SRP54: variants seen among roughly 807,000 people sequenced by gnomAD.
The protein encoded by SRP54 is signal recognition particle 54.
In SRP54, 10 loss-of-function variants were observed where a neutral mutation model predicts 64.8. That is an observed-to-expected ratio of 0.15 (90% confidence interval 0.10 to 0.26). The LOEUF (loss-of-function observed/expected upper bound fraction) is 0.26. Among genes scored for constraint, SRP54 ranks in the 10% least tolerant of loss-of-function variants. The probability of loss-of-function intolerance (pLI) is 1.00; values close to 1 mark genes in which losing one functional copy is unlikely to be tolerated. For missense variants in SRP54, 325 were observed against 613.7 expected (o/e 0.53, Z 4.97); for synonymous variants, 193 against 185.6 (o/e 1.04, Z -0.32).
intron 11 of SRP54, among the ~76,000 whole-genome samples, chr14:35,015,870 A>G (rs1394081078): frequency 6.6e-6 from 1 of 152,200 alleles, no homozygotes; most frequent in African/African-American, 2.4e-5. Context: ...CTTCAGACTC[A>G]TGTATCTGTG....
intron 1 of SRP54, among the ~76,000 whole-genome samples, chr14:34,992,284 T>C (rs907641034): frequency 1.8e-4 from 27 of 151,872 alleles, no homozygotes; most frequent in African/African-American, 6.5e-4. Context: ...TATTATATAA[T>C]AAAATATATT....
In SRP54 at chr14:35,001,389, G is replaced by A. The variant is rs189876602; in HGVS notation, c.255+369G>A. On this transcript the variant is annotated intron_variant, in intron 4 of 15. Coordinates refer to ENST00000216774, the MANE Select transcript of SRP54 (RefSeq NM_003136.4). The stretch of plus-strand genomic sequence containing the variant: ...TGGTCTTGAACTCCTGACCTCAGGC[G>A]ATCCGCCCGCTTCGGCCTCCCAAAG... 3.3e-5 allele frequency among the ~76,000 whole-genome samples: 5 copies of A among 152,176 alleles called. No homozygotes were observed. In the East Asian group the frequency reaches 5.8e-4, roughly 18 times the overall value.
intron 11 of SRP54, among the ~76,000 whole-genome samples, chr14:35,016,077 A>G (rs1422021620): frequency 6.6e-6 from 1 of 152,094 alleles, no homozygotes; most frequent in African/African-American, 2.4e-5. Flanking sequence ...AACTAGTCCA[A>G]GTGTTTCCAC....
rs776609188 is a variant in SRP54 at position 34,996,808 on chromosome 14, A to AAT, written c.78+28_78+29dup. On this transcript the variant is annotated intron_variant, in intron 2 of 15. Coordinates refer to ENST00000216774, the MANE Select transcript of SRP54 (RefSeq NM_003136.4). Reference sequence around the variant, plus strand: ...AAGAGGTATGTAAAATATTGTATGAAATATATATGATTGTATATTGTCACT... The same window carrying AAT: ...AAGAGGTATGTAAAATATTGTATGAAATATATATATGATTGTATATTGTCACT... 3.3e-6 allele frequency: 5 copies of AAT among 1,506,240 alleles called. No individual in the cohort carries two copies. In the South Asian group the frequency reaches 5.6e-5, roughly 17 times the overall value. 93.3% of individuals were successfully genotyped at this position (1,506,240 alleles called of 1,614,324 possible). A position where few individuals can be genotyped will look rare whatever the true frequency, so the allele number is the denominator to read the frequency against.
Position 35,008,704 on chromosome 14 carries a change from G to A in SRP54, c.427+11G>A. 1 of 1,605,872 alleles carries A rather than the reference G, an allele frequency of 6.2e-7. No individual in the cohort carries two copies. The highest frequency in any genetic ancestry group is 8.5e-7 in the Non-Finnish European group (1 of 1,176,876). On this transcript the variant is annotated intron_variant, in intron 6 of 15. Coordinates refer to ENST00000216774, the MANE Select transcript of SRP54 (RefSeq NM_003136.4). ...ACACATTCAGAGCAGGTAATGTCTT[G>A]AAATTTGAAAATTGTTTTATATAAT...
At position 35,029,308 on chromosome 14, in the gene SRP54, T is replaced by G. The variant is rs1445918575; in HGVS notation, c.*156T>G. 3.9e-6 allele frequency: 2 copies of G among 508,584 alleles called. No individual in the cohort carries two copies. Among genetic ancestry groups the G allele is most frequent in the Non-Finnish European group, 6.9e-6 (2 of 290,140 alleles). The allele number at this position is 508,584 out of a possible 1,614,324, so 31.5% of individuals were successfully genotyped here. A position where few individuals can be genotyped will look rare whatever the true frequency, so the allele number is the denominator to read the frequency against. On this transcript the variant is annotated 3_prime_UTR_variant, in exon 16 of 16. Coordinates refer to ENST00000216774, the MANE Select transcript of SRP54 (RefSeq NM_003136.4). ...TCGCCCGCTTTTCCCCTCCTTTTCT[T>G]TTTCCTTCCTTCTTTCCTCCCTTTA...
intron 5 of SRP54, among the ~76,000 whole-genome samples, chr14:35,007,696 A>G (rs1188989045): frequency 7.5e-6 from 1 of 132,982 alleles, no homozygotes; most frequent in African/African-American, 2.6e-5. Flanking sequence ...TACATAAAAT[A>G]GATTTTATTA....
chr14:34,990,399 G>C (rs1471554186), intron 1 of SRP54, among the ~76,000 whole-genome samples: 1 of 152,098 alleles, frequency 6.6e-6, no homozygotes, highest in Non-Finnish European at 1.5e-5. Context: ...AGGACTATGG[G>C]AAGTCATTTT....
chr14:35,007,804 A>G (rs1172190671), intron 5 of SRP54, among the ~76,000 whole-genome samples: 1 of 108,584 alleles, frequency 9.2e-6, no homozygotes, highest in Non-Finnish European at 2.1e-5. Flanking sequence ...TAACATATTA[A>G]GATATAAAGC....
intron 1 of SRP54, among the ~76,000 whole-genome samples, chr14:34,993,807 TGTCTCAGCCTCCCAAGTAGCTGG>T (rs1233929386): frequency 1.3e-5 from 2 of 151,904 alleles, no homozygotes; most frequent in Non-Finnish European, 2.9e-5. Context: ...GCGATTCACC[TGTCTCAGCCTCCCAAGTAGCTGG>T]CATTACAGGC....
intron 5 of SRP54, 146 bp downstream of exon 5, chr14:35,007,533 A>G (rs1179667206): frequency 2.7e-4 from 54 of 202,298 alleles, no homozygotes; most frequent in East Asian, 1.3e-4. Context: ...ATGCATTTAT[A>G]TATTATAAAT....
Position 35,018,680 on chromosome 14 carries a change from A to G in SRP54, c.974-12A>G. 6.2e-7 allele frequency: 1 copy of G among 1,601,802 alleles called. No individual in the cohort carries two copies. The highest frequency in any genetic ancestry group is 1.1e-5 in the South Asian group (1 of 88,214). On this transcript the variant is annotated splice_polypyrimidine_tract_variant and intron_variant, in intron 11 of 15. Coordinates refer to ENST00000216774, the MANE Select transcript of SRP54 (RefSeq NM_003136.4). The stretch of plus-strand genomic sequence containing the variant: ...ACTTTAATATATCCGAATTATTTAC[A>G]TTGTATTTCAGGTCAGTTTACGTTG...
At chr14:35,027,029 T>TTA (rs1459768994) in intron 14 of SRP54, among the ~76,000 whole-genome samples, 1 of 150,258 alleles carries the variant, frequency 6.7e-6, no homozygotes, top group Non-Finnish European at 1.5e-5. Flanking sequence ...CTACTTTCTT[T>TTA]TTTTTTTTTT....
At chr14:35,007,640 T>TTTATTAAA (rs2044283041) in intron 5 of SRP54, among the ~76,000 whole-genome samples, 1 of 96,824 alleles carries the variant, frequency 1.0e-5, no homozygotes, top group South Asian at 3.3e-4. Flanking sequence ...ATATTTATAT[T>TTTATTAAA]ATAATAAAAT....
At chr14:35,006,361 T>C (rs1274261312) in intron 4 of SRP54, among the ~76,000 whole-genome samples, 2 of 152,220 alleles carry the variant, frequency 1.3e-5, no homozygotes, top group Non-Finnish European at 2.9e-5. Flanking sequence ...AATATGGACA[T>C]TAGCACTCTC....
chr14:34,988,003 A>G (rs1335541393), intron 1 of SRP54, among the ~76,000 whole-genome samples: 2 of 152,196 alleles, frequency 1.3e-5, no homozygotes, highest in Admixed American at 6.5e-5. Flanking sequence ...TGCTTAAATT[A>G]ATATACCTAG....
chr14:34,992,156 C>T (rs1191768619), intron 1 of SRP54, among the ~76,000 whole-genome samples: 1 of 152,012 alleles, frequency 6.6e-6, no homozygotes, highest in Admixed American at 6.5e-5. Flanking sequence ...TGGCCTTGAA[C>T]TCCTGACTTC....
At chr14:35,000,815 G>A in intron 3 of SRP54, 121 bp from the exon 4 acceptor site, 1 of 446,636 alleles carries the variant, frequency 2.2e-6, no homozygotes, top group Non-Finnish European at 4.0e-6. Flanking sequence ...CATGTTAATT[G>A]GAAGACTATT....
chr14:34,994,229 C>T (rs1594981486), intron 1 of SRP54, among the ~76,000 whole-genome samples: 1 of 151,890 alleles, frequency 6.6e-6, no homozygotes, highest in Admixed American at 6.6e-5. Flanking sequence ...GAACTCCTGA[C>T]CTCAGATGAT....
Sources: allele counts gnomAD v4.1 joint callset (sites outside exome capture counted in the v4.1 genomes callset), GRCh38; gene constraint gnomAD v4.1.1; transcripts MANE v1.5; gene names NCBI Gene and HGNC (gene_info 2026-07-23, HGNC 2026-07-21).